EMC1: variants seen among roughly 807,000 people sequenced by gnomAD.
The protein encoded by EMC1 is KIAA0090.
Under a neutral mutation model 128.8 loss-of-function variants are expected in EMC1, and 103 were observed. The observed-to-expected ratio is 0.80, with a 90% confidence interval of 0.68 to 0.94. The LOEUF (loss-of-function observed/expected upper bound fraction) is 0.94. Ranked by LOEUF, EMC1 falls within the 40% of genes least tolerant of loss-of-function variation. EMC1 has a pLI of 0.00. For missense variants in EMC1, 1,083 were observed against 1,250.6 expected (o/e 0.87, Z 2.02); for synonymous variants, 442 against 490.4 (o/e 0.90, Z 1.30).
chr1:19,221,689 G>A (rs551903445), intron 20 of EMC1: 5 of 150,536 alleles, frequency 3.3e-5, no homozygotes, highest in Admixed American at 3.3e-4. Flanking sequence ...AGATCTGAGA[G>A]TCCCAAACAT....
intron 10 of EMC1, among the ~76,000 whole-genome samples, chr1:19,238,369 C>G (rs1036627562): frequency 6.6e-5 from 10 of 152,176 alleles, no homozygotes; most frequent in Admixed American, 5.2e-4. Flanking sequence ...GAAGCCAGTA[C>G]AGAGTAGCAG....
chr1:19,248,481 G>A (rs1004833722), intron 1 of EMC1, among the ~76,000 whole-genome samples: 4 of 151,860 alleles, frequency 2.6e-5, no homozygotes, highest in Non-Finnish European at 4.4e-5. Context: ...GTGCAGTGGC[G>A]TGATCTCAAC....
At chr1:19,239,413 C>CAAAGTGGGGA in intron 8 of EMC1, 111 bp from the exon 9 acceptor site, 1 of 903,116 alleles carries the variant, frequency 1.1e-6, no homozygotes, top group Non-Finnish European at 1.8e-6. Flanking sequence ...GAAAGTGCTC[C>CAAAGTGGGGA]CCACTTTGGA....
At chr1:19,232,363 T>C (rs1005864688) in intron 15 of EMC1, among the ~76,000 whole-genome samples, 1 of 152,186 alleles carries the variant, frequency 6.6e-6, no homozygotes, top group African/African-American at 2.4e-5. Flanking sequence ...AAATAGCCAC[T>C]CAGCAACCAA....
At chr1:19,235,912 A>G (rs2093559882) in intron 12 of EMC1, among the ~76,000 whole-genome samples, 1 of 151,984 alleles carries the variant, frequency 6.6e-6, no homozygotes, top group South Asian at 2.1e-4. Context: ...AAATAAATAA[A>G]CAAAAGCTAA....
chr1:19,240,625 G>T, intron 6 of EMC1, 179 bp from the exon 7 acceptor site: 1 of 633,786 alleles, frequency 1.6e-6, no homozygotes, highest in Non-Finnish European at 2.7e-6. Context: ...CCTCCTGAGA[G>T]CCTTCAAAGT....
intron 7 of EMC1, 124 bp downstream of exon 7, chr1:19,240,173 G>A (rs2093595979): frequency 1.5e-6 from 2 of 1,310,206 alleles, no homozygotes; most frequent in Admixed American, 4.2e-5. Context: ...TTCAGCCAGA[G>A]GCCTGAATGG....
At chr1:19,241,194 T>C in intron 5 of EMC1, 52 bp from the exon 6 acceptor site, 1 of 1,603,890 alleles carries the variant, frequency 6.2e-7, no homozygotes. Flanking sequence ...CAGGACAGGA[T>C]TATCCTCAGG....
intron 8 of EMC1, 123 bp from the exon 9 acceptor site, chr1:19,239,425 C>G: frequency 1.3e-6 from 1 of 781,312 alleles, no homozygotes; most frequent in South Asian, 1.7e-5. Flanking sequence ...CACTTTGGAG[C>G]AGAATGGTCA....
chr1:19,251,522 T>G lies in EMC1; in HGVS notation c.-13A>C, dbSNP rs1345021565. ...ACTCAGCCGCCATGATGCGAGCGCA[T>G]GCACCACCCACCGCCGTCCCGGCAT... On this transcript the variant is annotated 5_prime_UTR_variant, in exon 1 of 23. An upstream start codon of the reference 5' UTR is lost. Transcript: ENST00000477853. The G allele has an allele frequency of 1.2e-6, 2 of 1,613,692 alleles. No individual in the cohort carries two copies. The highest frequency in any genetic ancestry group is 2.2e-5 in the East Asian group (1 of 44,882).
At chr1:19,235,093 C>A in intron 13 of EMC1, 37 bp downstream of exon 13, 2 of 1,606,114 alleles carry the variant, frequency 1.2e-6, no homozygotes, top group Non-Finnish European at 8.5e-7. Flanking sequence ...ACTGGCCCCT[C>A]CAGCAACTCT....
intron 1 of EMC1, among the ~76,000 whole-genome samples, chr1:19,248,569 G>A (rs1434598621): frequency 6.6e-6 from 1 of 152,142 alleles, no homozygotes; most frequent in Non-Finnish European, 1.5e-5. Flanking sequence ...ACAGGCGTGT[G>A]CCACCACGCC....
intron 1 of EMC1, 114 bp from the exon 2 acceptor site, chr1:19,245,144 G>A: frequency 8.1e-7 from 1 of 1,235,312 alleles, no homozygotes; most frequent in Non-Finnish European, 1.2e-6. Flanking sequence ...GGACACATAA[G>A]ACGTGTTTGT....
chr1:19,241,524 G>T (rs1213687481), intron 5 of EMC1, among the ~76,000 whole-genome samples: 3 of 151,056 alleles, frequency 2.0e-5, no homozygotes, highest in Admixed American at 1.3e-4. Context: ...TCTTTGTTGT[G>T]TTTTTTTTTA....
Position 19,237,178 on chromosome 1 carries a change from T to C in EMC1, c.1273A>G (p.Thr425Ala). 1 of 1,613,978 alleles carries C rather than the reference T, an allele frequency of 6.2e-7. No individual in the cohort carries two copies. Among genetic ancestry groups the C allele is most frequent in the Non-Finnish European group, 8.5e-7 (1 of 1,179,972 alleles). ...AGGAAAAGTAGCAGATGATCCTCTG[T>C]CTGCACCAAAGCCCGGTAGCCCACT... is the stretch of plus-strand genomic sequence containing the variant. ...DSVGYRALVQ[T>A]EDHLLLFLQQ... Residue 425 changes from threonine (T) to alanine (A), a missense_variant, in exon 12 of 23, where the codon ACA becomes GCA. Thr to Ala is a moderately conservative substitution (Grantham distance 58, BLOSUM62 0). Coordinates refer to ENST00000477853, the MANE Select transcript of EMC1 (RefSeq NM_015047.3).
intron 12 of EMC1, among the ~76,000 whole-genome samples, chr1:19,236,340 CA>C (rs1432281245): frequency 1.3e-5 from 2 of 149,658 alleles, no homozygotes; most frequent in African/African-American, 4.9e-5. Context: ...GCCTGGGCAA[CA>C]AGAGCAAAAC....
At chr1:19,246,894 A>G (rs2093634268) in intron 1 of EMC1, among the ~76,000 whole-genome samples, 2 of 152,252 alleles carry the variant, frequency 1.3e-5, no homozygotes, top group African/African-American at 4.8e-5. Context: ...CCAGTGTTAC[A>G]GTATTTGACG....
rs775355750 is a variant in EMC1, at chr1:19,240,406, G to A, written c.677C>T (p.Ala226Val). 17 of 1,614,020 alleles carry A rather than the reference G, an allele frequency of 1.1e-5. No individual in the cohort carries two copies. Among genetic ancestry groups the A allele is most frequent in the Admixed American group, 1.7e-5 (1 of 59,994 alleles). The change falls in exon 7 of 23, where the codon GCC becomes GTC. Residue 226 changes from alanine to valine, a missense_variant. By Grantham distance (64) the Ala-to-Val change is moderately conservative. Transcript: ENST00000477853. ...GACAGCCTCATCCACCACACCACAG[G>A]CTCCAGACAGGTGCTGCAGCCACGG... ...STPWLQHLSG[A>V]CGVVDEAVLV...
At chr1:19,238,997 A>G in intron 9 of EMC1, 140 bp from the exon 10 acceptor site, 2 of 744,474 alleles carry the variant, frequency 2.7e-6, no homozygotes, top group Non-Finnish European at 4.7e-6. Flanking sequence ...AAGCCTATTC[A>G]ACCCTTAATA....
Sources: allele counts gnomAD v4.1 joint callset (sites outside exome capture counted in the v4.1 genomes callset), GRCh38; gene constraint gnomAD v4.1.1; transcripts MANE v1.5; gene names NCBI Gene and HGNC (gene_info 2026-07-23, HGNC 2026-07-21).